MTRR: variants seen among roughly 807,000 people sequenced by gnomAD.
The protein encoded by MTRR is methionine synthase reductase.
A neutral mutation model predicts 79.2 loss-of-function variants in MTRR; 63 were observed. The observed-to-expected ratio is 0.80, with a 90% CI of 0.65 to 0.98. The LOEUF (loss-of-function observed/expected upper bound fraction) is 0.98, where lower values mean the gene tolerates loss of function less well. Among genes scored for constraint, MTRR ranks in the 50% least tolerant of loss-of-function variants. MTRR has a pLI of 0.00. For missense variants in MTRR, 895 were observed against 839.6 expected (o/e 1.07, Z -0.82); for synonymous variants, 355 against 313.3 (o/e 1.13, Z -1.41).
chr5:7,856,855 G>A (rs949781922), intron 1 of MTRR: 1 of 148,114 alleles, frequency 6.8e-6, no homozygotes, highest in Non-Finnish European at 1.5e-5. Flanking sequence ...ATGTACCCAA[G>A]CGACGCACAT....
intron 10 of MTRR, 89 bp from the exon 11 acceptor site, chr5:7,892,638 T>C: frequency 7.3e-7 from 1 of 1,367,866 alleles, no homozygotes; most frequent in South Asian, 1.2e-5. Context: ...TATAAGGAAA[T>C]ATTTCTAAAC....
Position 7,878,080 on chromosome 5 carries a change from G to T in MTRR, c.538G>T (p.Val180Leu), listed in dbSNP as rs143978300. The stretch of plus-strand genomic sequence containing the variant: ...ACCTGCATCCTCGAGGACAGACCTT[G>T]TGAAGTCAGAGCTGCTACACATTGA... ...ASPASSRTDLVKSELLHIESQ... is the reference protein window; with the variant it reads ...ASPASSRTDLLKSELLHIESQ... Residue 180 changes from valine to leucine, a missense_variant, in exon 5 of 15, where the codon GTG (valine) becomes TTG (leucine). Physicochemically the swap from Val to Leu is conservative, Grantham distance 32 (BLOSUM62 1). Transcript: ENST00000440940. 1.2e-6 allele frequency: 2 copies of T among 1,613,876 alleles called. No individual in the cohort carries two copies. The highest frequency in any genetic ancestry group is 1.7e-6 in the Non-Finnish European group (2 of 1,180,014).
chr5:7,900,720 T>A lies in MTRR; in HGVS notation c.*662T>A, dbSNP rs8659. ...TTTATCTATCACCATTACTTTTTTT[T>A]AAGTCACAATTTCAGAATTTTGGGA... On this transcript the variant is annotated 3_prime_UTR_variant, in exon 15 of 15. Coordinates refer to ENST00000440940, the MANE Select transcript of MTRR (RefSeq NM_002454.3). The A allele has an allele frequency of 0.58, 87,758 of 152,572 alleles. 26,190 individuals carry two copies. Among genetic ancestry groups the A allele is most frequent in the Non-Finnish European group, 0.66 (44,726 of 68,020 alleles). 9.5% of individuals were successfully genotyped at this position (152,572 alleles called of 1,614,324 possible).
upstream of MTRR, chr5:7,869,072 G>A (rs951892365): frequency 2.5e-6 from 4 of 1,582,412 alleles, no homozygotes; most frequent in African/African-American, 4.0e-5. Flanking sequence ...ACGACTCAGG[G>A]CGGCGCAATG....
At chr5:7,894,764 T>C (rs1020311457) in intron 11 of MTRR, among the ~76,000 whole-genome samples, 8 of 152,238 alleles carry the variant, frequency 5.3e-5, no homozygotes, top group Admixed American at 5.2e-4. Context: ...TATGTGATAA[T>C]GTGTATGTTT....
intron 5 of MTRR, among the ~76,000 whole-genome samples, chr5:7,879,089 A>G (rs1735094060): frequency 6.6e-6 from 1 of 152,164 alleles, no homozygotes; most frequent in African/African-American, 2.4e-5. Flanking sequence ...AGCATCTTTT[A>G]TAATGTCTTT....
Position 7,888,808 on chromosome 5 carries a change from A to T in MTRR, c.1147-287A>T, listed in dbSNP as rs144661308. Among the ~76,000 whole-genome samples, 52 of 152,326 alleles carry T rather than the reference A, an allele frequency of 3.4e-4. 2 individuals are homozygous for T. The East Asian group carries it at 8.9e-3, about 26-fold the overall frequency. ...TAACTTGTAATTGCATTGAAATAAAAAATTCTTACTAGCAAGTTTGATGTT... is the reference window on the plus strand; with the variant it reads ...TAACTTGTAATTGCATTGAAATAAATAATTCTTACTAGCAAGTTTGATGTT... On this transcript the variant is annotated intron_variant, in intron 8 of 14. Coordinates refer to ENST00000440940, the MANE Select transcript of MTRR (RefSeq NM_002454.3).
At chr5:7,871,061 A>AT in intron 2 of MTRR, 138 bp downstream of exon 2, 1 of 1,005,662 alleles carries the variant, frequency 9.9e-7, no homozygotes, top group South Asian at 1.3e-5. Flanking sequence ...GTTCAATGGT[A>AT]TAGTAAGATA....
intron 2 of MTRR, 148 bp from the exon 3 acceptor site, chr5:7,873,225 C>T (rs1561155189): frequency 6.6e-6 from 6 of 906,360 alleles, no homozygotes; most frequent in Non-Finnish European, 1.1e-5. Context: ...GCTGAGAGCG[C>T]CTAGTCACTG....
intron 5 of MTRR, among the ~76,000 whole-genome samples, chr5:7,879,462 CA>C (rs35558077): frequency 0.11 from 9,899 of 88,498 alleles, 298 homozygotes; most frequent in African/African-American, 0.25. Flanking sequence ...GACTCCGTCT[CA>C]AAAAAAAAAA....
intron 1 of MTRR, among the ~76,000 whole-genome samples, chr5:7,852,204 A>T (rs1746096611): frequency 6.6e-6 from 1 of 152,174 alleles, no homozygotes; most frequent in Non-Finnish European, 1.5e-5. Context: ...CTTCTTCCCC[A>T]TCCCTGCAAC....
intron 4 of MTRR, among the ~76,000 whole-genome samples, chr5:7,877,047 G>A (rs1365256354): frequency 1.3e-5 from 2 of 152,164 alleles, no homozygotes; most frequent in East Asian, 1.9e-4. Context: ...AGCACCTCCC[G>A]AGCACAGTGA....
In MTRR at chr5:7,855,409, A is replaced by G. The variant is rs1032698962; in HGVS notation, n.391+3824A>G. ...TATGATAGCTTGGATTTCTCTAGAAACATTCCAGTGGAAAAAAAAAAAAGA... is the reference window on the plus strand; with the variant it reads ...TATGATAGCTTGGATTTCTCTAGAAGCATTCCAGTGGAAAAAAAAAAAAGA... On this transcript the variant is annotated intron_variant and non_coding_transcript_variant, in intron 1 of 3. Coordinates refer to the MTRR transcript ENST00000502509. Among the ~76,000 whole-genome samples, 8 of 116,204 alleles carry G rather than the reference A, an allele frequency of 6.9e-5. No homozygotes were observed. The South Asian group carries it at 1.4e-3, about 21-fold the overall frequency. The allele number at this position is 116,204 out of a possible 152,430, so 76.2% of individuals were successfully genotyped here.
At chr5:7,861,583 C>T (rs781519142) in intron 1 of MTRR, 15 of 1,581,918 alleles carry the variant, frequency 9.5e-6, no homozygotes, top group Non-Finnish European at 1.3e-5. Flanking sequence ...TTTCCTGTAC[C>T]TTTTATGGAT....
chr5:7,861,261 A>G (rs1561092807), intron 1 of MTRR: 1 of 1,494,456 alleles, frequency 6.7e-7, no homozygotes, highest in East Asian at 2.3e-5. Flanking sequence ...ACACAGTGCT[A>G]TCCTGAAAAA....
chr5:7,891,253 T>G, intron 9 of MTRR, 119 bp from the exon 10 acceptor site: 1 of 676,370 alleles, frequency 1.5e-6, no homozygotes, highest in Non-Finnish European at 2.5e-6. Context: ...GATTTAAAAC[T>G]AGAACATGAT....
At chr5:7,890,502 A>G (rs1737364873) in intron 9 of MTRR, 1 of 779,738 alleles carries the variant, frequency 1.3e-6, no homozygotes, top group Non-Finnish European at 1.6e-6. Flanking sequence ...ACCTTTTAGA[A>G]TGTTAGAATG....
intron 1 of MTRR, among the ~76,000 whole-genome samples, chr5:7,851,985 C>T (rs184923320): frequency 3.9e-5 from 6 of 152,314 alleles, no homozygotes; most frequent in Admixed American, 1.3e-4. Context: ...TGAAGCATAG[C>T]GATAATGAGA....
intron 3 of MTRR, 124 bp downstream of exon 3, chr5:7,873,650 A>G (rs1477456070): frequency 3.7e-6 from 4 of 1,079,408 alleles, no homozygotes; most frequent in Admixed American, 4.1e-5. Context: ...AATATTATGT[A>G]TATGTATATA....
Sources: allele counts gnomAD v4.1 joint callset (sites outside exome capture counted in the v4.1 genomes callset), GRCh38; gene constraint gnomAD v4.1.1; transcripts MANE v1.5; gene names NCBI Gene and HGNC (gene_info 2026-07-23, HGNC 2026-07-21).